The following CNTN5 variants were observed in gnomAD, a reference collection of about 807,000 sequenced individuals.
CNTN5 encodes the protein contactin 5.
CNTN5 carries 77 observed loss-of-function variants against 129.1 expected under a neutral mutation model. The observed-to-expected ratio is 0.60, with a 90% CI of 0.50 to 0.72. The LOEUF (loss-of-function observed/expected upper bound fraction) is 0.72, where lower values mean the gene tolerates loss of function less well. Ranked by LOEUF, CNTN5 falls within the 30% of genes least tolerant of loss-of-function variation. The probability of loss-of-function intolerance (pLI) is 0.00; values close to 1 mark genes in which losing one functional copy is unlikely to be tolerated. For synonymous variants in CNTN5, 509 were observed against 465.6 expected (o/e 1.09, Z -1.20); for missense variants, 1,478 against 1,328.8 (o/e 1.11, Z -1.75).
chr11:99,558,201 T>TA (rs1051486067), intron 3 of CNTN5: 3 of 306,754 alleles, frequency 9.8e-6, no homozygotes, highest in Non-Finnish European at 1.9e-5. Flanking sequence ...TGGGTTTCTT[T>TA]TTTTTGTGCA....
intron 1 of CNTN5, among the ~76,000 whole-genome samples, chr11:99,317,394 T>G (rs1023542007): frequency 2.6e-5 from 4 of 152,176 alleles, no homozygotes; most frequent in Non-Finnish European, 5.9e-5. Flanking sequence ...TGTAGCAATA[T>G]GACTTCTAGT....
chr11:99,849,979 T>C (rs1179359826), intron 6 of CNTN5, among the ~76,000 whole-genome samples: 1 of 152,110 alleles, frequency 6.6e-6, no homozygotes, highest in East Asian at 1.9e-4. Flanking sequence ...GCTTCCTCAG[T>C]CATCATTTTA....
chr11:99,162,089 C>T (rs12787727), intron 1 of CNTN5, among the ~76,000 whole-genome samples: 39,124 of 151,940 alleles, frequency 0.26, 5,453 homozygotes, highest in Middle Eastern at 0.32. Context: ...TTAATAGAAC[C>T]TCCTTTTTTT....
At chr11:99,787,804 C>G (rs577573434) in intron 3 of CNTN5, among the ~76,000 whole-genome samples, 2 of 152,026 alleles carry the variant, frequency 1.3e-5, no homozygotes, top group African/African-American at 2.4e-5. Flanking sequence ...AACTTAAAAT[C>G]TCTCGTGACC....
intron 4 of CNTN5, among the ~76,000 whole-genome samples, chr11:99,839,731 G>GA (rs1477935107): frequency 5.3e-5 from 8 of 151,860 alleles, no homozygotes; most frequent in Non-Finnish European, 1.2e-4. Context: ...ATGGAAGAGA[G>GA]AAAAAATGAT....
chr11:100,350,774 C>T lies in CNTN5; in HGVS notation c.3103C>T (p.Leu1035Phe). 6.2e-7 allele frequency: 1 copy of T among 1,609,176 alleles called. No individual in the cohort carries two copies. The highest frequency in any genetic ancestry group is 8.5e-7 in the Non-Finnish European group (1 of 1,176,878). The change falls in exon 24 of 25, where the codon CTC becomes TTC. Residue 1035 changes from leucine (L) to phenylalanine (F), a missense_variant. Physicochemically the swap from Leu to Phe is conservative, Grantham distance 22 (BLOSUM62 0). Transcript: ENST00000524871. ...ACAGAAACTTCAAGCAGTAGTACCA[C>T]TCCCAGATGCTGGAGTCTATATTAT... The part of the protein sequence containing the change: ...ETQKLQAVVP[L>F]PDAGVYIIEV...
At chr11:100,279,315 T>C (rs1320526100) in intron 18 of CNTN5, among the ~76,000 whole-genome samples, 1 of 151,910 alleles carries the variant, frequency 6.6e-6, no homozygotes, top group Non-Finnish European at 1.5e-5. Flanking sequence ...AGGATAATAC[T>C]GGCCTCATAG....
At chr11:99,646,452 T>A (rs1201826335) in intron 3 of CNTN5, among the ~76,000 whole-genome samples, 1 of 152,178 alleles carries the variant, frequency 6.6e-6, no homozygotes, top group Non-Finnish European at 1.5e-5. Flanking sequence ...TCTATCAGAA[T>A]ATTCAATGTA....
intron 3 of CNTN5, among the ~76,000 whole-genome samples, chr11:99,582,430 TG>T (rs1457342767): frequency 1.3e-5 from 2 of 152,224 alleles, no homozygotes; most frequent in Non-Finnish European, 2.9e-5. Flanking sequence ...TTTTCCAACT[TG>T]GCTCCATTCT....
intron 3 of CNTN5, among the ~76,000 whole-genome samples, chr11:99,580,311 C>T (rs554915931): frequency 2.0e-5 from 3 of 152,190 alleles, no homozygotes; most frequent in South Asian, 2.1e-4. Context: ...TGTGTCTCTG[C>T]TCGGCTTTGG....
At chr11:99,246,102 A>C in intron 1 of CNTN5, among the ~76,000 whole-genome samples, 1 of 152,196 alleles carries the variant, frequency 6.6e-6, no homozygotes, top group Non-Finnish European at 1.5e-5. Flanking sequence ...AATTTGGTTA[A>C]ATATTAATTT....
At chr11:99,895,220 A>G (rs926383138) in intron 6 of CNTN5, among the ~76,000 whole-genome samples, 3 of 152,204 alleles carry the variant, frequency 2.0e-5, no homozygotes, top group African/African-American at 7.2e-5. Context: ...AGTCCAGCAG[A>G]GCTGTCCTAG....
At chr11:99,747,983 C>A (rs1944110862) in intron 3 of CNTN5, among the ~76,000 whole-genome samples, 1 of 151,960 alleles carries the variant, frequency 6.6e-6, no homozygotes, top group Admixed American at 6.6e-5. Flanking sequence ...GATTTTTATT[C>A]TTCATTTTAT....
intron 3 of CNTN5, among the ~76,000 whole-genome samples, chr11:99,777,921 C>T (rs1021813978): frequency 1.3e-5 from 2 of 151,732 alleles, no homozygotes; most frequent in African/African-American, 4.8e-5. Flanking sequence ...AACTGACAAC[C>T]CCATTAAACA....
At chr11:99,749,162 A>G (rs1299073844) in intron 3 of CNTN5, among the ~76,000 whole-genome samples, 1 of 152,212 alleles carries the variant, frequency 6.6e-6, no homozygotes, top group Non-Finnish European at 1.5e-5. Flanking sequence ...GGTTCAGTGT[A>G]TACAAACTTT....
intron 19 of CNTN5, among the ~76,000 whole-genome samples, chr11:100,298,710 A>T (rs1951150994): frequency 6.6e-6 from 1 of 151,452 alleles, no homozygotes; most frequent in South Asian, 2.1e-4. Flanking sequence ...GTCAGTAACC[A>T]TAAAAGCAAT....
intron 17 of CNTN5, among the ~76,000 whole-genome samples, chr11:100,270,469 A>T (rs930750096): frequency 2.6e-5 from 4 of 152,242 alleles, no homozygotes; most frequent in Non-Finnish European, 5.9e-5. Context: ...ATGAGTGAAC[A>T]AGAAAAGCAG....
chr11:99,748,291 C>G (rs1218357596), intron 3 of CNTN5, among the ~76,000 whole-genome samples: 2 of 151,950 alleles, frequency 1.3e-5, no homozygotes, highest in East Asian at 1.9e-4. Flanking sequence ...ATTAATTATT[C>G]ATTAATTCAA....
At chr11:100,066,313 C>T (rs528700123) in intron 10 of CNTN5, among the ~76,000 whole-genome samples, 1 of 152,182 alleles carries the variant, frequency 6.6e-6, no homozygotes, top group East Asian at 1.9e-4. Flanking sequence ...AACACATTAC[C>T]TCTCATTGGC....
Sources: allele counts gnomAD v4.1 joint callset (sites outside exome capture counted in the v4.1 genomes callset), GRCh38; gene constraint gnomAD v4.1.1; transcripts MANE v1.5; gene names NCBI Gene and HGNC (gene_info 2026-07-23, HGNC 2026-07-21).